The following SMOC2 variants were observed in gnomAD, a reference collection of about 807,000 sequenced individuals.
SMOC2 encodes SPARC related modular calcium binding 2.
Under a neutral mutation model 61.4 loss-of-function variants are expected in SMOC2, and 39 were observed. The ratio of observed to expected loss-of-function variants is 0.64; its 90% CI spans 0.49 to 0.83. The LOEUF (loss-of-function observed/expected upper bound fraction) is 0.83, where lower values mean the gene tolerates loss of function less well. SMOC2 is among the 40% of genes least tolerant of loss of function. The pLI is 0.00. For synonymous variants in SMOC2, 247 were observed against 239.9 expected, an observed-to-expected ratio of 1.03 and a Z score of -0.27; for missense variants, 556 against 592.9, an observed-to-expected ratio of 0.94 and a Z score of 0.65.
At chr6:168,529,710 AC>A (rs1201330103) in intron 4 of SMOC2, among the ~76,000 whole-genome samples, 1 of 152,146 alleles carries the variant, frequency 6.6e-6, no homozygotes, top group African/African-American at 2.4e-5. Context: ...GAGTATACAT[AC>A]CCCCCAAACA....
intron 2 of SMOC2, among the ~76,000 whole-genome samples, chr6:168,515,647 G>A (rs2880362): frequency 0.3 from 46,040 of 152,168 alleles, 7,544 homozygotes; most frequent in African/African-American, 0.4. Flanking sequence ...CTGAGGGGCC[G>A]GCTCCTTCCT....
At chr6:168,542,923 T>C (rs1305106559) in intron 4 of SMOC2, among the ~76,000 whole-genome samples, 2 of 152,200 alleles carry the variant, frequency 1.3e-5, no homozygotes, top group Non-Finnish European at 2.9e-5. Context: ...TTACTGGGCA[T>C]GTGTATGGCT....
At chr6:168,509,364 A>G (rs1203269816) in intron 1 of SMOC2, among the ~76,000 whole-genome samples, 1 of 152,208 alleles carries the variant, frequency 6.6e-6, no homozygotes, top group Non-Finnish European at 1.5e-5. Flanking sequence ...TCAAAGAACA[A>G]TAGTCCAATT....
chr6:168,661,289 A>G (rs373242552), intron 11 of SMOC2, among the ~76,000 whole-genome samples: 38 of 152,288 alleles, frequency 2.5e-4, no homozygotes, highest in Middle Eastern at 3.4e-3. Flanking sequence ...TTTGCTCACT[A>G]CTGAACAATG....
chr6:168,466,384 C>T (rs539771880), intron 1 of SMOC2, among the ~76,000 whole-genome samples: 2 of 152,098 alleles, frequency 1.3e-5, no homozygotes, highest in Non-Finnish European at 2.9e-5. Flanking sequence ...CTCTGGATGC[C>T]GCTCCCACAG....
intron 4 of SMOC2, among the ~76,000 whole-genome samples, chr6:168,538,635 G>A (rs1353365056): frequency 3.0e-5 from 2 of 65,706 alleles, no homozygotes; most frequent in African/African-American, 6.7e-5. Context: ...TGGGGTGACC[G>A]CTGCTGGAAT....
At chr6:168,565,652 G>A (rs1784524146) in intron 7 of SMOC2, among the ~76,000 whole-genome samples, 1 of 152,210 alleles carries the variant, frequency 6.6e-6, no homozygotes, top group Non-Finnish European at 1.5e-5. Context: ...GCTTGGATTT[G>A]AATTGCTTGC....
chr6:168,564,143 A>G (rs1239019096), intron 7 of SMOC2, among the ~76,000 whole-genome samples: 1 of 152,358 alleles, frequency 6.6e-6, no homozygotes, highest in Middle Eastern at 3.4e-3. Context: ...TGTGTATAAG[A>G]CAAAACACGA....
At chr6:168,509,678 T>G (rs527812328) in intron 1 of SMOC2, among the ~76,000 whole-genome samples, 1 of 152,352 alleles carries the variant, frequency 6.6e-6, no homozygotes, top group South Asian at 2.1e-4. Context: ...TGTTGTTCTG[T>G]GTCAGACGGC....
rs114426109 is a variant in SMOC2, at chr6:168,640,862, C to T, written c.908-9819C>T. ...ATGCGGGGAAAGAAAGAGACAAAAA[C>T]GCTAGCCTGAGCCTGAACATCTGGA... is the stretch of plus-strand genomic sequence containing the variant. On this transcript the variant is annotated intron_variant, in intron 9 of 12. Coordinates refer to ENST00000356284, the MANE Select transcript of SMOC2 (RefSeq NM_001166412.2). Among the ~76,000 whole-genome samples, 410 of 152,268 alleles carry T rather than the reference C, an allele frequency of 2.7e-3. 1 individual carries two copies. The highest frequency in any genetic ancestry group is 9.6e-3 in the African/African-American group (400 of 41,548).
At position 168,628,104 on chromosome 6, in the gene SMOC2, G is replaced by T. The variant is rs150053250; in HGVS notation, c.907+19865G>T. ...AGCCCTTGCCTTCCTTGGCCTCCCT[G>T]GGCGCGCCTGTGGCCCCCTAGGTTT... On this transcript the variant is annotated intron_variant, in intron 9 of 12. Coordinates refer to ENST00000356284, the MANE Select transcript of SMOC2 (RefSeq NM_001166412.2). 5.1e-3 allele frequency among the ~76,000 whole-genome samples: 781 copies of T among 152,288 alleles called. 4 individuals are homozygous for T. The highest frequency in any genetic ancestry group is 0.018 in the African/African-American group (730 of 41,554).
rs556886858 is a variant in SMOC2, at chr6:168,508,179, C to A, written c.85-1736C>A. Among the ~76,000 whole-genome samples, 22 of 152,298 alleles carry A rather than the reference C, an allele frequency of 1.4e-4. No individual in the cohort carries two copies. In the South Asian group the frequency reaches 3.5e-3, roughly 24 times the overall value. ...TTTTGGCTAATCTCTGTTTTTAATT[C>A]TTTTATTGGCGTGAAGATTTTAAAA... On this transcript the variant is annotated intron_variant, in intron 1 of 12. Coordinates refer to ENST00000356284, the MANE Select transcript of SMOC2 (RefSeq NM_001166412.2).
At chr6:168,462,238 C>A (rs1395583683) in intron 1 of SMOC2, among the ~76,000 whole-genome samples, 1 of 152,150 alleles carries the variant, frequency 6.6e-6, no homozygotes, top group Non-Finnish European at 1.5e-5. Flanking sequence ...GATTCCAGTT[C>A]TGTGAAGTGT....
At chr6:168,578,547 A>G (rs116115332) in intron 7 of SMOC2, among the ~76,000 whole-genome samples, 2,291 of 152,324 alleles carry the variant, frequency 0.015, 52 homozygotes, top group African/African-American at 0.052. Context: ...AAAAGGGACC[A>G]GCCCTTGTTC....
At chr6:168,613,052 C>T (rs1266999393) in intron 9 of SMOC2, among the ~76,000 whole-genome samples, 2 of 152,168 alleles carry the variant, frequency 1.3e-5, no homozygotes, top group Non-Finnish European at 2.9e-5. Context: ...CAGGACCAAT[C>T]GTATTCGAAT....
chr6:168,570,455 C>T (rs936260451), intron 7 of SMOC2, among the ~76,000 whole-genome samples: 8 of 152,174 alleles, frequency 5.3e-5, no homozygotes, highest in African/African-American at 1.9e-4. Flanking sequence ...AAGCACCCAA[C>T]GGCCCAGGGC....
At chr6:168,631,166 G>A (rs755051682) in intron 9 of SMOC2, among the ~76,000 whole-genome samples, 3 of 152,112 alleles carry the variant, frequency 2.0e-5, no homozygotes, top group Admixed American at 1.3e-4. Context: ...TCCTACCAAC[G>A]TGTGATGTCT....
intron 10 of SMOC2, among the ~76,000 whole-genome samples, chr6:168,652,092 A>T (rs535503713): frequency 4.6e-5 from 7 of 152,310 alleles, no homozygotes; most frequent in Non-Finnish European, 8.8e-5. Flanking sequence ...GTAAATTTCA[A>T]CTTTACATCT....
At chr6:168,449,975 T>G (rs1781425181) in intron 1 of SMOC2, among the ~76,000 whole-genome samples, 1 of 152,094 alleles carries the variant, frequency 6.6e-6, no homozygotes, top group Non-Finnish European at 1.5e-5. Flanking sequence ...GGTCCTACAT[T>G]CCCAAGGACA....
Sources: allele counts gnomAD v4.1 joint callset (sites outside exome capture counted in the v4.1 genomes callset), GRCh38; gene constraint gnomAD v4.1.1; transcripts MANE v1.5; gene names NCBI Gene and HGNC (gene_info 2026-07-23, HGNC 2026-07-21).